The following SLF2 variants were observed in gnomAD, a reference collection of about 807,000 sequenced individuals.
SLF2 encodes SMC5/6 complex localization factor 2.
A neutral mutation model predicts 124.3 loss-of-function variants in SLF2; 68 were observed. The observed-to-expected ratio is 0.55, with a 90% confidence interval of 0.45 to 0.67. The LOEUF is 0.67. Among genes scored for constraint, SLF2 ranks in the 30% least tolerant of loss-of-function variants. The probability of loss-of-function intolerance (pLI) is 0.00; values close to 1 mark genes in which losing one functional copy is unlikely to be tolerated. For missense variants in SLF2, 1,246 were observed against 1,373.7 expected, an observed-to-expected ratio of 0.91 and a Z score of 1.47; for synonymous variants, 480 against 478.8, an observed-to-expected ratio of 1.00 and a Z score of -0.03.
In SLF2 at chr10:100,916,915, T is replaced by C; in HGVS notation, c.530T>C (p.Leu177Pro). ...CGATCCCCAGAGAGAAGGAAGTCAC[T>C]ATTCATTCATGAAAATAATGAGAAG... ...KHRSPERRKSLFIHENNEKND... is the reference protein window; with the variant it reads ...KHRSPERRKSPFIHENNEKND... The change falls in exon 3 of 20, where the codon CTA (leucine) becomes CCA (proline). Residue 177 changes from leucine (L) to proline (P), a missense_variant. Transcript: ENST00000238961. 1 of 1,614,162 alleles carries C rather than the reference T, an allele frequency of 6.2e-7. No homozygotes were observed. Among genetic ancestry groups the C allele is most frequent in the East Asian group, 2.2e-5 (1 of 44,884 alleles).
intron 1 of SLF2, among the ~76,000 whole-genome samples, chr10:100,914,999 T>G (rs1004782761): frequency 1.3e-5 from 2 of 152,200 alleles, no homozygotes; most frequent in African/African-American, 4.8e-5. Flanking sequence ...AATTTTTTGT[T>G]CAGCATATCA....
intron 15 of SLF2, among the ~76,000 whole-genome samples, chr10:100,949,359 A>G (rs1339739282): frequency 6.6e-6 from 1 of 152,194 alleles, no homozygotes; most frequent in African/African-American, 2.4e-5. Context: ...GAATAATTAC[A>G]TGAATAATTA....
chr10:100,939,957 G>A (rs1222145598), intron 11 of SLF2, among the ~76,000 whole-genome samples: 1 of 152,084 alleles, frequency 6.6e-6, no homozygotes, highest in African/African-American at 2.4e-5. Flanking sequence ...TAGAGACTAT[G>A]TTTCATCACT....
chr10:100,964,592 A>G lies in SLF2; in HGVS notation c.*2680A>G, dbSNP rs1850478088. 6.6e-6 allele frequency: 1 copy of G among 152,602 alleles called. No individual in the cohort carries two copies. Among genetic ancestry groups the G allele is most frequent in the African/African-American group, 2.4e-5 (1 of 41,440 alleles). 9.5% of individuals were successfully genotyped at this position (152,602 alleles called of 1,614,324 possible). The stretch of plus-strand genomic sequence containing the variant: ...ATTTTGTTTCTGCTTTCAAGCGCAA[A>G]TAGTAGCTTGCTTTCAGCTTCACAA... On this transcript the variant is annotated 3_prime_UTR_variant, in exon 20 of 20. Transcript: ENST00000238961.
chr10:100,929,697 C>A, intron 7 of SLF2, 133 bp from the exon 8 acceptor site: 2 of 720,852 alleles, frequency 2.8e-6, no homozygotes, highest in Non-Finnish European at 4.3e-6. Flanking sequence ...GCAAAGCATA[C>A]TTTTCTCATG....
intron 17 of SLF2, 32 bp from the exon 18 acceptor site, chr10:100,956,419 T>C (rs1268367322): frequency 6.8e-7 from 1 of 1,471,130 alleles, no homozygotes; most frequent in African/African-American, 1.4e-5. Context: ...TGCTTCAGAA[T>C]TGTTTTCATC....
rs953059390 is a variant in SLF2 at position 100,964,819 on chromosome 10, T to A, written c.*2907T>A. The stretch of plus-strand genomic sequence containing the variant: ...TAGCCCATTAAACAAGCTACTGAGT[T>A]GGAGAATTAGGGGATGACTGTGGTG... On this transcript the variant is annotated 3_prime_UTR_variant, in exon 20 of 20. Coordinates refer to ENST00000238961, the MANE Select transcript of SLF2 (RefSeq NM_018121.4). The A allele has an allele frequency of 1.3e-5, 2 of 152,102 alleles. No homozygotes were observed. The highest frequency in any genetic ancestry group is 2.9e-5 in the Non-Finnish European group (2 of 68,020). The allele number at this position is 152,102 out of a possible 1,614,324, so 9.4% of individuals were successfully genotyped here.
At chr10:100,955,817 A>G (rs1589968442) in intron 17 of SLF2, among the ~76,000 whole-genome samples, 1 of 151,862 alleles carries the variant, frequency 6.6e-6, no homozygotes, top group East Asian at 1.9e-4. Flanking sequence ...TGAGGCAGAG[A>G]ATCGCCTGAA....
chr10:100,956,560 TC>T (rs750364887), intron 18 of SLF2, 23 bp downstream of exon 18: 68 of 1,524,120 alleles, frequency 4.5e-5, no homozygotes, highest in Non-Finnish European at 5.4e-5. Flanking sequence ...TTTCTTTTTT[TC>T]TTTTTTTTTT....
chr10:100,950,048 G>C (rs1351716043), intron 15 of SLF2, 28 bp from the exon 16 acceptor site: 4 of 1,539,620 alleles, frequency 2.6e-6, no homozygotes, highest in Non-Finnish European at 3.5e-6. Context: ...ATTTAGCTTT[G>C]TTCAATGTCT....
chr10:100,918,384 GA>G lies in SLF2; in HGVS notation c.920del (p.Asn307MetfsTer39). ...TAATTTTATCTCATTGTGCTCATAG[GA>G]AAATGGACATCTCTCAAGAAAAAGA... ...IPGKNNLSNV[E>X]NGHLSRKRSS... On this transcript the variant is annotated frameshift_variant and splice_region_variant, in exon 4 of 20. Transcript: ENST00000238961. LOFTEE classifies it high-confidence loss of function. 3 of 1,589,984 alleles carry G rather than the reference GA, an allele frequency of 1.9e-6. No homozygotes were observed. The highest frequency in any genetic ancestry group is 1.1e-5 in the South Asian group (1 of 87,554).
intron 11 of SLF2, among the ~76,000 whole-genome samples, chr10:100,939,452 C>T (rs891694639): frequency 6.6e-6 from 1 of 151,452 alleles, no homozygotes; most frequent in African/African-American, 2.4e-5. Context: ...CCAAGGCGGG[C>T]GGATCACTTG....
intron 9 of SLF2, among the ~76,000 whole-genome samples, chr10:100,932,654 A>T (rs1363896474): frequency 1.3e-5 from 2 of 151,876 alleles, no homozygotes; most frequent in African/African-American, 4.8e-5. Context: ...CTCTGATCTC[A>T]TGAAGCCCAC....
intron 11 of SLF2, among the ~76,000 whole-genome samples, chr10:100,942,539 C>T (rs1239473556): frequency 1.3e-5 from 2 of 151,938 alleles, no homozygotes; most frequent in Non-Finnish European, 2.9e-5. Context: ...AAGAGTTTTG[C>T]CTTTGAAGTC....
At position 100,944,223 on chromosome 10, in the gene SLF2, C is replaced by T. The variant is rs574666292; in HGVS notation, c.2757+95C>T. The T allele has an allele frequency of 8.4e-5, 63 of 754,320 alleles. 1 individual carries two copies. In the South Asian group the frequency reaches 9.7e-4, roughly 12 times the overall value. The allele number at this position is 754,320 out of a possible 1,614,324, so 46.7% of individuals were successfully genotyped here. On this transcript the variant is annotated intron_variant, in intron 12 of 19. Transcript: ENST00000238961. ...AAAAAAAAAAAGTCTCGGCCGGGCG[C>T]GGTGGCTCACGCCTGTAATCCCAGC...
chr10:100,946,143 T>G (rs1441510473), intron 13 of SLF2, among the ~76,000 whole-genome samples: 1 of 152,156 alleles, frequency 6.6e-6, no homozygotes, highest in Non-Finnish European at 1.5e-5. Context: ...TATGCAAAAG[T>G]AAGGCAAAGA....
intron 17 of SLF2, among the ~76,000 whole-genome samples, chr10:100,954,117 C>T (rs1850280174): frequency 6.6e-6 from 1 of 151,564 alleles, no homozygotes; most frequent in East Asian, 2.0e-4. Flanking sequence ...ATTAACCGGG[C>T]ATGGTGATGC....
At chr10:100,944,516 T>G (rs1254141248) in intron 12 of SLF2, among the ~76,000 whole-genome samples, 1 of 132,340 alleles carries the variant, frequency 7.6e-6, no homozygotes, top group Non-Finnish European at 1.6e-5. Context: ...AAAAAAAAAC[T>G]CTCTAGTTTC....
At chr10:100,957,802 A>T (rs1446829823) in intron 18 of SLF2, among the ~76,000 whole-genome samples, 3 of 152,144 alleles carry the variant, frequency 2.0e-5, no homozygotes, top group Non-Finnish European at 4.4e-5. Flanking sequence ...ATGAGTATGG[A>T]GTAGGAAAAT....
Sources: allele counts gnomAD v4.1 joint callset (sites outside exome capture counted in the v4.1 genomes callset), GRCh38; gene constraint gnomAD v4.1.1; transcripts MANE v1.5; gene names NCBI Gene and HGNC (gene_info 2026-07-23, HGNC 2026-07-21).